FASTKD1: variants seen among roughly 807,000 people sequenced by gnomAD.
The protein encoded by FASTKD1 is FAST kinase domain-containing protein 1, mitochondrial.
In FASTKD1, 94 loss-of-function variants were observed where a neutral mutation model predicts 90.9. The ratio of observed to expected loss-of-function variants is 1.03; its 90% CI spans 0.88 to 1.23. The LOEUF (loss-of-function observed/expected upper bound fraction) is 1.23. FASTKD1 is among the 50% of genes most tolerant of loss of function. FASTKD1 has a pLI of 0.00. For missense variants in FASTKD1, 945 were observed against 993.5 expected, an observed-to-expected ratio of 0.95 and a Z score of 0.66; for synonymous variants, 319 against 345.8, an observed-to-expected ratio of 0.92 and a Z score of 0.86.
chr2:169,560,153 CA>C, intron 5 of FASTKD1: 1 of 273,904 alleles, frequency 3.7e-6, no homozygotes, highest in Non-Finnish European at 6.8e-6. Flanking sequence ...CATTTTTTTT[CA>C]TGTTGGCCCA....
At chr2:169,567,328 G>C (rs1462250819) in intron 3 of FASTKD1, among the ~76,000 whole-genome samples, 1 of 152,088 alleles carries the variant, frequency 6.6e-6, no homozygotes, top group African/African-American at 2.4e-5. Context: ...ACGTATCCTT[G>C]CTTTGAAGAG....
intron 7 of FASTKD1, among the ~76,000 whole-genome samples, chr2:169,550,717 G>A (rs372288506): frequency 3.9e-5 from 6 of 152,060 alleles, no homozygotes; most frequent in African/African-American, 1.4e-4. Flanking sequence ...GGCCTCAAAT[G>A]ATCCTCCTGC....
intron 14 of FASTKD1, among the ~76,000 whole-genome samples, 184 bp downstream of exon 14, chr2:169,530,403 A>G (rs1184627339): frequency 6.6e-6 from 1 of 152,126 alleles, no homozygotes; most frequent in Non-Finnish European, 1.5e-5. Flanking sequence ...GGATCAAGCA[A>G]TCCTCCCACC....
At chr2:169,551,742 G>A (rs1043089001) in intron 7 of FASTKD1, among the ~76,000 whole-genome samples, 3 of 152,036 alleles carry the variant, frequency 2.0e-5, no homozygotes, top group South Asian at 2.1e-4. Flanking sequence ...GCAGTGAGCC[G>A]AGATCACGCC....
At chr2:169,537,189 T>C (rs762324826) in intron 12 of FASTKD1, 38 bp downstream of exon 12, 3 of 1,232,974 alleles carry the variant, frequency 2.4e-6, no homozygotes, top group Non-Finnish European at 2.4e-6. Context: ...ATTAGTTTGA[T>C]TTTCTGAAAG....
Position 169,560,780 on chromosome 2 carries a change from A to T in FASTKD1, c.578T>A (p.Leu193Ter). ...NLETTQDLSS[L>*]SVLMVNISSL... ...AGATATGTTGACCATCAAGACAGACAAGGAACTGAAAAAGAAAAAAGATGC... is the reference window on the plus strand; with the variant it reads ...AGATATGTTGACCATCAAGACAGACTAGGAACTGAAAAAGAAAAAAGATGC... The change falls in exon 5 of 15, where the codon TTG becomes TAG. Residue 193 changes from leucine (L) to a stop codon, truncating the protein, a stop_gained. Transcript: ENST00000453153. LOFTEE classifies it high-confidence loss of function. 1.3e-6 allele frequency: 2 copies of T among 1,508,102 alleles called. No individual in the cohort carries two copies. Among genetic ancestry groups the T allele is most frequent in the Admixed American group, 4.8e-5 (2 of 41,358 alleles). 93.4% of individuals were successfully genotyped at this position (1,508,102 alleles called of 1,614,324 possible). A position where few individuals can be genotyped will look rare whatever the true frequency, so the allele number is the denominator to read the frequency against.
rs1684337694 is a variant in FASTKD1, at chr2:169,573,790, A to G, written c.-264T>C. 1 of 152,180 alleles carries G rather than the reference A, an allele frequency of 6.6e-6. No homozygotes were observed. 9.4% of individuals were successfully genotyped at this position (152,180 alleles called of 1,614,324 possible). ...CGAAACAGGCTCGGATGTCTCGCCC[A>G]ACCCTCATATCTCAGGGTTTATAAC... On this transcript the variant is annotated 5_prime_UTR_variant, in exon 1 of 15. Coordinates refer to ENST00000453153, the MANE Select transcript of FASTKD1 (RefSeq NM_024622.6).
Position 169,545,523 on chromosome 2 carries a change from A to G in FASTKD1, c.1702-688T>C, listed in dbSNP as rs77761941. ...TTTTAAATAAAGGCCTTGCCCTGAT[A>G]TATTTATGATAGTGATTTTGTAAGT... On this transcript the variant is annotated intron_variant, in intron 8 of 14. Transcript: ENST00000453153. 8.9e-3 allele frequency among the ~76,000 whole-genome samples: 1,360 copies of G among 152,332 alleles called. 8 individuals are homozygous for G. Among genetic ancestry groups the G allele is most frequent in the Non-Finnish European group, 0.014 (955 of 68,026 alleles).
rs12618227 is a variant in FASTKD1, at chr2:169,555,188, C to G, written c.1150G>C (p.Glu384Gln). ...CTTTGGAAATGCAGAAAAGTTAATT[C>G]TTGAGTTATCTTCAACAACTCTAAT... is the stretch of plus-strand genomic sequence containing the variant. ...KPLELLKITQ[E>Q]LTFLHFQRKE... The change falls in exon 7 of 15, where the codon GAA becomes CAA. Residue 384 changes from glutamate to glutamine, a missense_variant. Physicochemically the swap from Glu to Gln is conservative, Grantham distance 29. Coordinates refer to ENST00000453153, the MANE Select transcript of FASTKD1 (RefSeq NM_024622.6). 0.036 allele frequency: 58,216 copies of G among 1,610,878 alleles called. 1,333 individuals are homozygous for G. The highest frequency in any genetic ancestry group is 0.11 in the East Asian group (4,879 of 44,686).
In FASTKD1 at chr2:169,530,570, A is replaced by T. The variant is rs1211246616; in HGVS notation, c.2442+17T>A. 1.0e-5 allele frequency: 15 copies of T among 1,448,384 alleles called. No homozygotes were observed. Among genetic ancestry groups the T allele is most frequent in the Non-Finnish European group, 1.4e-5 (15 of 1,046,360 alleles). 89.7% of individuals were successfully genotyped at this position (1,448,384 alleles called of 1,614,324 possible). On this transcript the variant is annotated intron_variant, in intron 14 of 14. Coordinates refer to ENST00000453153, the MANE Select transcript of FASTKD1 (RefSeq NM_024622.6). ...CTCTGGGCTTTTTAGAGGCTGAATT[A>T]CATGAGTATTTCATACCTGAATTAC...
At chr2:169,540,248 A>T in intron 9 of FASTKD1, 69 bp from the exon 10 acceptor site, 1 of 1,361,016 alleles carries the variant, frequency 7.3e-7, no homozygotes, top group East Asian at 2.5e-5. Context: ...TAATTTATTC[A>T]GGCAAACCCA....
In FASTKD1 at chr2:169,549,630, A is replaced by G. The variant is rs1315304478; in HGVS notation, c.1215-2926T>C. Among the ~76,000 whole-genome samples, 6 of 151,600 alleles carry G rather than the reference A, an allele frequency of 4.0e-5. No individual in the cohort carries two copies. The East Asian group carries it at 7.8e-4, about 20-fold the overall frequency. ...TAGGTACATGCCACCACGCCCAGCT[A>G]ATTTTTTGTTTTTTGTTGTGGAGAC... On this transcript the variant is annotated intron_variant, in intron 7 of 14. Coordinates refer to ENST00000453153, the MANE Select transcript of FASTKD1 (RefSeq NM_024622.6).
intron 2 of FASTKD1, 100 bp downstream of exon 2, chr2:169,571,553 C>A (rs990083176): frequency 2.3e-6 from 2 of 869,388 alleles, no homozygotes; most frequent in African/African-American, 3.5e-5. Context: ...GACAGAGACT[C>A]CTCAAAAATA....
In FASTKD1 at chr2:169,560,038, T is replaced by C. The variant is rs535695810; in HGVS notation, c.971+349A>G. Among the ~76,000 whole-genome samples, 22 of 152,304 alleles carry C rather than the reference T, an allele frequency of 1.4e-4. No individual in the cohort carries two copies. In the South Asian group the frequency reaches 1.9e-3, roughly 13 times the overall value. ...AAATGGCCCTCTGCTATGACTACTA[T>C]AATTCTAAATATTCCACAGACTTAC... is the stretch of plus-strand genomic sequence containing the variant. On this transcript the variant is annotated intron_variant, in intron 5 of 14. Coordinates refer to ENST00000453153, the MANE Select transcript of FASTKD1 (RefSeq NM_024622.6).
rs750952061 is a variant in FASTKD1, at chr2:169,530,925, G to C, written c.2328-224C>G. 22 of 692,474 alleles carry C rather than the reference G, an allele frequency of 3.2e-5. No homozygotes were observed. The Admixed American group carries it at 4.1e-4, about 13-fold the overall frequency. The allele number at this position is 692,474 out of a possible 1,614,324, so 42.9% of individuals were successfully genotyped here. A position where few individuals can be genotyped will look rare whatever the true frequency, so the allele number is the denominator to read the frequency against. On this transcript the variant is annotated intron_variant, in intron 13 of 14. Coordinates refer to ENST00000453153, the MANE Select transcript of FASTKD1 (RefSeq NM_024622.6). ...TTGTCTGCTTTCATCCATTTTTTTG[G>C]TCCAATATATATTTACACATGCCTA... is the stretch of plus-strand genomic sequence containing the variant.
At chr2:169,564,167 A>T (rs6748447) in intron 3 of FASTKD1, among the ~76,000 whole-genome samples, 263 of 152,290 alleles carry the variant, frequency 1.7e-3, no homozygotes, top group African/African-American at 5.9e-3. Flanking sequence ...AAGTTTATTT[A>T]AAAAGAAACA....
chr2:169,541,771 T>A (rs1574375455), intron 9 of FASTKD1, among the ~76,000 whole-genome samples: 1 of 152,148 alleles, frequency 6.6e-6, no homozygotes, highest in Non-Finnish European at 1.5e-5. Context: ...GATAACTGGG[T>A]AATTCTTACT....
At chr2:169,549,164 G>A (rs1361355403) in intron 7 of FASTKD1, among the ~76,000 whole-genome samples, 3 of 152,018 alleles carry the variant, frequency 2.0e-5, no homozygotes, top group Admixed American at 2.0e-4. Context: ...GGAGGCCGAG[G>A]TGGGCGGATT....
chr2:169,556,460 C>T (rs75327381), intron 6 of FASTKD1, among the ~76,000 whole-genome samples: 33 of 143,862 alleles, frequency 2.3e-4, no homozygotes, highest in Non-Finnish European at 7.6e-5. Flanking sequence ...AAAAAAAAAA[C>T]GGCCAGGCAC....
Sources: allele counts gnomAD v4.1 joint callset (sites outside exome capture counted in the v4.1 genomes callset), GRCh38; gene constraint gnomAD v4.1.1; transcripts MANE v1.5; gene names NCBI Gene and HGNC (gene_info 2026-07-23, HGNC 2026-07-21).